Variants in PKP2 observed in about 807,000 individuals in gnomAD.
PKP2 encodes plakophilin 2.
A neutral mutation model predicts 83.4 loss-of-function variants in PKP2; 73 were observed. The ratio of observed to expected loss-of-function variants is 0.88; its 90% CI spans 0.72 to 1.06. The LOEUF (loss-of-function observed/expected upper bound fraction) is 1.06, where lower values mean the gene tolerates loss of function less well. Ranked by LOEUF, PKP2 falls within the 50% of genes least tolerant of loss-of-function variation. The probability of loss-of-function intolerance (pLI) is 0.00; values close to 1 mark genes in which losing one functional copy is unlikely to be tolerated. For missense variants in PKP2, 966 were observed against 1,065.4 expected, an observed-to-expected ratio of 0.91 and a Z score of 1.30; for synonymous variants, 409 against 430.4, an observed-to-expected ratio of 0.95 and a Z score of 0.62.
intron 9 of PKP2, among the ~76,000 whole-genome samples, chr12:32,816,541 A>T (rs1156746726): frequency 1.3e-5 from 2 of 152,162 alleles, no homozygotes; most frequent in Non-Finnish European, 2.9e-5. Flanking sequence ...TAGCATGGTG[A>T]TGAACATATG....
At chr12:32,855,384 AG>A (rs1213338783) in intron 4 of PKP2, among the ~76,000 whole-genome samples, 1 of 152,218 alleles carries the variant, frequency 6.6e-6, no homozygotes, top group Non-Finnish European at 1.5e-5. Context: ...GGCACACAGT[AG>A]TTACTCAACA....
intron 10 of PKP2, among the ~76,000 whole-genome samples, chr12:32,801,651 G>A (rs1294030578): frequency 2.6e-5 from 4 of 151,998 alleles, no homozygotes; most frequent in Non-Finnish European, 5.9e-5. Flanking sequence ...GTGAAAAACC[G>A]AATTTGAGTT....
intron 3 of PKP2, among the ~76,000 whole-genome samples, chr12:32,875,931 T>A (rs1466335394): frequency 6.6e-6 from 1 of 152,124 alleles, no homozygotes; most frequent in African/African-American, 2.4e-5. Flanking sequence ...GACAAAACTT[T>A]GAGAACCATA....
At chr12:32,885,669 C>CCA (rs1456286877) in intron 1 of PKP2, among the ~76,000 whole-genome samples, 28 of 145,120 alleles carry the variant, frequency 1.9e-4, no homozygotes, top group African/African-American at 5.8e-4. Context: ...GTCCCCCCCC[C>CCA]AAAAAAAAAA....
At chr12:32,874,387 A>G (rs565591464) in intron 3 of PKP2, among the ~76,000 whole-genome samples, 1 of 152,250 alleles carries the variant, frequency 6.6e-6, no homozygotes, top group South Asian at 2.1e-4. Context: ...TTGGGCATCT[A>G]TCTTCCTCAT....
chr12:32,896,694 A>T lies in PKP2; in HGVS notation c.38T>A (p.Ile13Asn), dbSNP rs775889367. 1 of 1,523,392 alleles carries T rather than the reference A, an allele frequency of 6.6e-7. No homozygotes were observed. Among genetic ancestry groups the T allele is most frequent in the South Asian group, 1.2e-5 (1 of 82,304 alleles). 94.4% of individuals were successfully genotyped at this position (1,523,392 alleles called of 1,614,324 possible). A position where few individuals can be genotyped will look rare whatever the true frequency, so the allele number is the denominator to read the frequency against. Reference sequence around the variant, plus strand: ...GATCTGCTGGCCCAGGACGGTCCGGATGTAGCCGTACTCAGCTGGGGCGCC... The same window carrying T: ...GATCTGCTGGCCCAGGACGGTCCGGTTGTAGCCGTACTCAGCTGGGGCGCC... ...APGAPAEYGYIRTVLGQQILG... is the reference protein window; with the variant it reads ...APGAPAEYGYNRTVLGQQILG... The change falls in exon 1 of 13, where the codon ATC (isoleucine) becomes AAC (asparagine). Residue 13 changes from isoleucine to asparagine, a missense_variant. Ile to Asn is a moderately radical substitution (Grantham distance 149). Transcript: ENST00000340811.
At position 32,798,264 on chromosome 12, in the gene PKP2, T is replaced by A. The variant is rs12817149; in HGVS notation, c.2168-1966A>T. ...CATGCCCGGCTAATTTTTTGTATAT[T>A]TTTTTTTTCAGTAGAGATGGGGTTT... On this transcript the variant is annotated intron_variant, in intron 10 of 12. Transcript: ENST00000340811. Among the ~76,000 whole-genome samples the A allele has an allele frequency of 6.3e-3, 704 of 112,246 alleles. 3 individuals carry two copies. The highest frequency in any genetic ancestry group is 0.024 in the African/African-American group (603 of 25,122). The allele number at this position is 112,246 out of a possible 152,430, so 73.6% of individuals were successfully genotyped here. A position where few individuals can be genotyped will look rare whatever the true frequency, so the allele number is the denominator to read the frequency against.
intron 4 of PKP2, among the ~76,000 whole-genome samples, chr12:32,864,313 C>T (rs1471443288): frequency 5.7e-5 from 7 of 122,402 alleles, no homozygotes; most frequent in Non-Finnish European, 1.1e-4. Context: ...TACACATACA[C>T]ACACACACAC....
At chr12:32,855,878 G>A (rs1438382603) in intron 4 of PKP2, among the ~76,000 whole-genome samples, 1 of 151,374 alleles carries the variant, frequency 6.6e-6, no homozygotes, top group African/African-American at 2.4e-5. Flanking sequence ...AGTGGTAAAT[G>A]TATGAATCAT....
At chr12:32,827,917 T>C (rs888212029) in intron 6 of PKP2, among the ~76,000 whole-genome samples, 6 of 152,292 alleles carry the variant, frequency 3.9e-5, no homozygotes, top group African/African-American at 1.4e-4. Context: ...TTAAGAAAAC[T>C]AAAACTGCAT....
chr12:32,885,918 C>T (rs1416266497), intron 1 of PKP2, among the ~76,000 whole-genome samples: 1 of 152,146 alleles, frequency 6.6e-6, no homozygotes, highest in Admixed American at 6.6e-5. Flanking sequence ...GGTGCACTCA[C>T]ATTCAGAAAA....
intron 6 of PKP2, among the ~76,000 whole-genome samples, chr12:32,833,908 C>A (rs562321379): frequency 6.6e-6 from 1 of 152,100 alleles, no homozygotes; most frequent in Non-Finnish European, 1.5e-5. Context: ...CGTAAGTGGA[C>A]GGTCAAGAAA....
At chr12:32,796,344 T>G (rs778868796) in intron 10 of PKP2, 46 bp from the exon 11 acceptor site, 1 of 1,481,350 alleles carries the variant, frequency 6.8e-7, no homozygotes, top group Non-Finnish European at 9.4e-7. Context: ...AAAAGATTGT[T>G]TCTTAATCCC....
At chr12:32,804,984 TA>T (rs1348073458) in intron 9 of PKP2, among the ~76,000 whole-genome samples, 1 of 152,216 alleles carries the variant, frequency 6.6e-6, no homozygotes, top group Non-Finnish European at 1.5e-5. Context: ...GACTTTTTAA[TA>T]ATCACCATTC....
intron 6 of PKP2, among the ~76,000 whole-genome samples, chr12:32,840,318 A>C (rs539516041): frequency 1.4e-4 from 22 of 152,216 alleles, no homozygotes; most frequent in African/African-American, 5.3e-4. Flanking sequence ...ATATTTTTTG[A>C]GACAGGGTCT....
rs1208347768 is a variant in PKP2, at chr12:32,841,180, A to T, written c.1404T>A (p.Asn468Lys). Reference sequence around the variant, plus strand: ...TTATCATGAGATTCTTGAGTTTGTCATTAGATGACAAATTCCACAGCAAAC... The same window carrying T: ...TTATCATGAGATTCTTGAGTTTGTCTTTAGATGACAAATTCCACAGCAAAC... ...ITGLLWNLSS[N>K]DKLKNLMITE... is the part of the protein sequence containing the mutation. Residue 468 changes from asparagine (N) to lysine (K), a missense_variant, in exon 6 of 13, where the codon AAT becomes AAA. By Grantham distance (94) the Asn-to-Lys change is moderately conservative. Transcript: ENST00000340811. The T allele has an allele frequency of 1.2e-5, 20 of 1,613,634 alleles. No individual in the cohort carries two copies. Among genetic ancestry groups the T allele is most frequent in the Non-Finnish European group, 1.6e-5 (19 of 1,179,712 alleles).
At chr12:32,845,463 A>C (rs1956636337) in intron 5 of PKP2, among the ~76,000 whole-genome samples, 1 of 152,138 alleles carries the variant, frequency 6.6e-6, no homozygotes, top group Non-Finnish European at 1.5e-5. Context: ...GAGGCAGGAG[A>C]ATGGCGTGAA....
chr12:32,850,406 T>C (rs142331551), intron 5 of PKP2, among the ~76,000 whole-genome samples: 8,791 of 151,888 alleles, frequency 0.058, 316 homozygotes, highest in Non-Finnish European at 0.089. Context: ...TCGTCTCTAC[T>C]AAAAATACAA....
chr12:32,808,490 AG>A (rs1208987454), intron 9 of PKP2, among the ~76,000 whole-genome samples: 1 of 152,054 alleles, frequency 6.6e-6, no homozygotes, highest in East Asian at 1.9e-4. Context: ...ATCTCAGCGA[AG>A]TTTGTTATTT....
Sources: gnomAD v4.1 joint callset for allele counts (sites outside exome capture counted in the v4.1 genomes callset) on GRCh38, gnomAD v4.1.1 for gene constraint, MANE v1.5 for transcripts, NCBI Gene and HGNC (gene_info 2026-07-23, HGNC 2026-07-21) for gene names.